CYSTM1: variants seen among roughly 807,000 people sequenced by gnomAD.
CYSTM1 encodes the protein cysteine-rich transmembrane module-containing protein 1.
Under a neutral mutation model 13.1 loss-of-function variants are expected in CYSTM1, and 4 were observed. The observed-to-expected ratio is 0.31, with a 90% confidence interval of 0.15 to 0.70. The LOEUF is 0.70. CYSTM1 is among the 30% of genes least tolerant of loss of function. The pLI, the probability that CYSTM1 is intolerant of heterozygous loss-of-function variation, is 0.72. For synonymous variants in CYSTM1, 36 were observed against 42.7 expected, an observed-to-expected ratio of 0.84 and a Z score of 0.62; for missense variants, 96 against 121.6, an observed-to-expected ratio of 0.79 and a Z score of 0.99.
At chr5:140,193,984 C>G (rs1764122479) in intron 1 of CYSTM1, among the ~76,000 whole-genome samples, 1 of 152,234 alleles carries the variant, frequency 6.6e-6, no homozygotes. Flanking sequence ...TGGCCCAGCC[C>G]TGTTGATTGG....
chr5:140,241,799 G>C (rs1047784185), intron 2 of CYSTM1, among the ~76,000 whole-genome samples: 15 of 152,156 alleles, frequency 9.9e-5, no homozygotes, highest in Admixed American at 7.2e-4. Flanking sequence ...GGTAGGGTAG[G>C]CTCTGGCTGG....
At chr5:140,181,418 G>A (rs1323962426) in intron 1 of CYSTM1, among the ~76,000 whole-genome samples, 1 of 152,090 alleles carries the variant, frequency 6.6e-6, no homozygotes, top group East Asian at 1.9e-4. Context: ...TAACTTTGTT[G>A]AACTAATTTT....
At chr5:140,222,275 T>C (rs950655635) in intron 2 of CYSTM1, among the ~76,000 whole-genome samples, 23 of 152,246 alleles carry the variant, frequency 1.5e-4, no homozygotes, top group Admixed American at 1.4e-3. Context: ...CCAATTCTTA[T>C]ACAACATTTA....
intron 2 of CYSTM1, among the ~76,000 whole-genome samples, chr5:140,236,409 C>T (rs1054056725): frequency 2.0e-5 from 3 of 152,156 alleles, no homozygotes; most frequent in Admixed American, 6.5e-5. Context: ...GGAATGTACA[C>T]GCTGCACCAG....
At position 140,219,157 on chromosome 5, in the gene CYSTM1, T is replaced by C. The variant is rs949787472; in HGVS notation, c.188-24148T>C. Among the ~76,000 whole-genome samples, 4 of 152,276 alleles carry C rather than the reference T, an allele frequency of 2.6e-5. No homozygotes were observed. Among genetic ancestry groups the C allele is most frequent in the African/African-American group, 7.2e-5 (3 of 41,556 alleles). ...AGCCAGGCCACCACTTCTGTCTCCTTTTCTCTGCTGGTGAAGTCTCTAGCC... is the reference window on the plus strand; with the variant it reads ...AGCCAGGCCACCACTTCTGTCTCCTCTTCTCTGCTGGTGAAGTCTCTAGCC... On this transcript the variant is annotated intron_variant, in intron 2 of 2. Transcript: ENST00000261811. The surrounding 1 kb of genome is among the most constrained non-coding windows in gnomAD (Gnocchi z 4.1).
intron 1 of CYSTM1, among the ~76,000 whole-genome samples, chr5:140,191,677 T>G (rs2126656422): frequency 6.6e-6 from 1 of 152,340 alleles, no homozygotes. Flanking sequence ...GTGAGAATGA[T>G]CTACGTGGTC....
Position 140,219,806 on chromosome 5 carries a change from A to G in CYSTM1, c.188-23499A>G, listed in dbSNP as rs1316029134. 2.6e-5 allele frequency among the ~76,000 whole-genome samples: 4 copies of G among 152,236 alleles called. No individual in the cohort carries two copies. Among genetic ancestry groups the G allele is most frequent in the Non-Finnish European group, 5.9e-5 (4 of 68,050 alleles). The stretch of plus-strand genomic sequence containing the variant: ...ACTATTTGAATGAGACTCCTGGGCC[A>G]GCACTCAATGTGAATCAGGCTAACA... On this transcript the variant is annotated intron_variant, in intron 2 of 2. Coordinates refer to ENST00000261811, the MANE Select transcript of CYSTM1 (RefSeq NM_032412.4). This position sits in a 1 kb window ranked among gnomAD's most constrained non-coding sequence, Gnocchi z 4.1.
At chr5:140,189,306 G>C (rs779249973) in intron 1 of CYSTM1, among the ~76,000 whole-genome samples, 2 of 152,074 alleles carry the variant, frequency 1.3e-5, no homozygotes, top group African/African-American at 2.4e-5. Context: ...GTTTAAAAGA[G>C]TCTGAGATCT....
Position 140,224,441 on chromosome 5 carries a change from C to A in CYSTM1, c.188-18864C>A, listed in dbSNP as rs572054361. On this transcript the variant is annotated intron_variant, in intron 2 of 2. Transcript: ENST00000261811. ...TACGTGAGCCACCATGCCCAGCTGC[C>A]GCAGACTTTCTTACAAAACTCTAGG... 4.5e-4 allele frequency among the ~76,000 whole-genome samples: 68 copies of A among 152,106 alleles called. 1 individual carries two copies. The highest frequency in any genetic ancestry group is 7.9e-4 in the Admixed American group (12 of 15,262).
rs1764126700 is a variant in CYSTM1 at position 140,194,358 on chromosome 5, T to C, written c.-20-88T>C. The C allele has an allele frequency of 4.7e-6, 6 of 1,288,276 alleles. No homozygotes were observed. In the South Asian group the frequency reaches 6.3e-5, roughly 14 times the overall value. The allele number at this position is 1,288,276 out of a possible 1,614,324, so 79.8% of individuals were successfully genotyped here. A position where few individuals can be genotyped will look rare whatever the true frequency, so the allele number is the denominator to read the frequency against. On this transcript the variant is annotated intron_variant, in intron 1 of 2. Transcript: ENST00000261811. ...CAAGGCTTGATACACCTTGAAGGTA[T>C]TTTGTAAATGATCTTATGGGTTAGG... is the stretch of plus-strand genomic sequence containing the variant.
At chr5:140,185,541 C>G (rs1407109582) in intron 1 of CYSTM1, among the ~76,000 whole-genome samples, 1 of 152,122 alleles carries the variant, frequency 6.6e-6, no homozygotes, top group East Asian at 1.9e-4. Context: ...CAGTCTGTCC[C>G]TAAAAGAAGA....
intron 2 of CYSTM1, among the ~76,000 whole-genome samples, chr5:140,213,010 T>TATATATATATA: frequency 8.2e-6 from 1 of 122,396 alleles, no homozygotes; most frequent in Non-Finnish European, 1.7e-5. Context: ...TATATATATA[T>TATATATATATA]GAGAGAGAGA....
At chr5:140,208,898 G>T (rs1264411287) in intron 2 of CYSTM1, among the ~76,000 whole-genome samples, 1 of 151,924 alleles carries the variant, frequency 6.6e-6, no homozygotes, top group Non-Finnish European at 1.5e-5. Flanking sequence ...AATTAGCCAG[G>T]TGTGGTGGCA....
At chr5:140,243,221 T>C in intron 2 of CYSTM1, 84 bp from the exon 3 acceptor site, 1 of 1,093,260 alleles carries the variant, frequency 9.1e-7, no homozygotes, top group Middle Eastern at 2.0e-4. Flanking sequence ...TGGTGTAGCC[T>C]TCCTGTGGTC....
intron 1 of CYSTM1, among the ~76,000 whole-genome samples, chr5:140,190,167 G>A (rs949649255): frequency 7.2e-5 from 11 of 152,084 alleles, no homozygotes; most frequent in African/African-American, 2.7e-4. Context: ...GAGACATGCT[G>A]AATACAGAAC....
chr5:140,227,252 C>T (rs1421725503), intron 2 of CYSTM1, among the ~76,000 whole-genome samples: 2 of 152,166 alleles, frequency 1.3e-5, no homozygotes, highest in African/African-American at 4.8e-5. Flanking sequence ...AGTACTGCCA[C>T]CTGGTGTGAA....
chr5:140,177,201 G>A (rs1368403932), intron 1 of CYSTM1, among the ~76,000 whole-genome samples: 1 of 152,114 alleles, frequency 6.6e-6, no homozygotes, highest in East Asian at 1.9e-4. Context: ...TTGGTTATAT[G>A]AAGAGGAATG....
intron 2 of CYSTM1, among the ~76,000 whole-genome samples, chr5:140,216,668 T>C (rs1764431200): frequency 6.6e-6 from 1 of 152,202 alleles, no homozygotes; most frequent in Non-Finnish European, 1.5e-5. Context: ...GCCTGTATGC[T>C]ATCAGGGCTG....
chr5:140,195,142 G>A (rs944648166), intron 2 of CYSTM1, among the ~76,000 whole-genome samples: 1 of 152,016 alleles, frequency 6.6e-6, no homozygotes, highest in African/African-American at 2.4e-5. Context: ...AGTCCTTCTT[G>A]TGTGCTATAG....
Sources: allele counts gnomAD v4.1 joint callset (sites outside exome capture counted in the v4.1 genomes callset), GRCh38; gene constraint gnomAD v4.1.1; non-coding constraint Gnocchi (gnomAD v3.1); transcripts MANE v1.5; gene names NCBI Gene and HGNC (gene_info 2026-07-23, HGNC 2026-07-21).